Variants in TMEM160 observed in about 807,000 individuals in gnomAD.
TMEM160 encodes transmembrane protein 160.
In TMEM160, 10 loss-of-function variants were observed where a neutral mutation model predicts 13.9. The observed-to-expected ratio is 0.72, with a 90% CI of 0.45 to 1.22. TMEM160 has a LOEUF of 1.22. Among genes scored for constraint, TMEM160 ranks in the 50% most tolerant of loss-of-function variants. The pLI is 0.00. For missense variants in TMEM160, 287 were observed against 283.2 expected, an observed-to-expected ratio of 1.01 and a Z score of -0.10; for synonymous variants, 159 against 134.8, an observed-to-expected ratio of 1.18 and a Z score of -1.25.
At position 47,046,273 on chromosome 19, in the gene TMEM160, C is replaced by A. The variant is rs773026249; in HGVS notation, c.302-21G>T. ...GAAGCCTGCGGGAGAGGCAGGGTAGCAACAGGGCCAAGGTCGGGGGATGGT... is the reference window on the plus strand; with the variant it reads ...GAAGCCTGCGGGAGAGGCAGGGTAGAAACAGGGCCAAGGTCGGGGGATGGT... On this transcript the variant is annotated intron_variant, in intron 2 of 2. Transcript: ENST00000253047. The A allele has an allele frequency of 2.9e-5, 44 of 1,527,710 alleles. No homozygotes were observed. The African/African-American group carries it at 4.3e-4, about 15-fold the overall frequency. 94.6% of individuals were successfully genotyped at this position (1,527,710 alleles called of 1,614,324 possible).
rs780847015 is a variant in TMEM160, at chr19:47,046,580, G to C, written c.301+13C>G. The C allele has an allele frequency of 5.6e-6, 9 of 1,604,842 alleles. No individual in the cohort carries two copies. Among genetic ancestry groups the C allele is most frequent in the Non-Finnish European group, 7.7e-6 (9 of 1,172,486 alleles). On this transcript the variant is annotated intron_variant, in intron 2 of 2. Transcript: ENST00000253047. Reference sequence around the variant, plus strand: ...CCTGGTTCCGTGGGGCGAGAGGGGGGGTCTGCACTCACCATATGCTGCTTC... The same window carrying C: ...CCTGGTTCCGTGGGGCGAGAGGGGGCGTCTGCACTCACCATATGCTGCTTC...
rs2057082417 is a variant in TMEM160, at chr19:47,046,705, G to C, written c.209-20C>G. 6.3e-7 allele frequency: 1 copy of C among 1,578,852 alleles called. No homozygotes were observed. The highest frequency in any genetic ancestry group is 8.7e-7 in the Non-Finnish European group (1 of 1,150,050). ...GGAAGGCTGGAGGGAGGGGGACATGGGGGGATTAACATCACCCCCAACCCT... is the reference window on the plus strand; with the variant it reads ...GGAAGGCTGGAGGGAGGGGGACATGCGGGGATTAACATCACCCCCAACCCT... On this transcript the variant is annotated intron_variant, in intron 1 of 2. Coordinates refer to ENST00000253047, the MANE Select transcript of TMEM160 (RefSeq NM_017854.2).
chr19:47,047,742 A>T lies in TMEM160; in HGVS notation c.208+665T>A, dbSNP rs994062925. ...ATGCCTGTAGCTCCAGCTAAGCAGGAGGCTGAGGCAAGAGGATAGCTTGAG... is the reference window on the plus strand; with the variant it reads ...ATGCCTGTAGCTCCAGCTAAGCAGGTGGCTGAGGCAAGAGGATAGCTTGAG... On this transcript the variant is annotated intron_variant, in intron 1 of 2. Transcript: ENST00000253047. 7.5e-5 allele frequency: 40 copies of T among 532,712 alleles called. No individual in the cohort carries two copies. The Admixed American group carries it at 2.3e-3, about 30-fold the overall frequency. The allele number at this position is 532,712 out of a possible 1,614,324, so 33.0% of individuals were successfully genotyped here. A position where few individuals can be genotyped will look rare whatever the true frequency, so the allele number is the denominator to read the frequency against.
intron 1 of TMEM160, chr19:47,047,290 G>A: frequency 1.0e-6 from 1 of 985,466 alleles, no homozygotes; most frequent in Non-Finnish European, 1.2e-6. Flanking sequence ...CTCCATCTGA[G>A]GAGTCATCTT....
intron 1 of TMEM160, 90 bp downstream of exon 1, chr19:47,048,317 G>T: frequency 1.7e-6 from 2 of 1,191,798 alleles, no homozygotes; most frequent in Non-Finnish European, 2.3e-6. Flanking sequence ...CCCGGGCCCC[G>T]TTTCCTGCAG....
chr19:47,047,563 G>T (rs913628697), intron 1 of TMEM160: 1 of 979,962 alleles, frequency 1.0e-6, no homozygotes, highest in Non-Finnish European at 1.2e-6. Context: ...CTAGATGCCC[G>T]GTCCTGGCCT....
chr19:47,046,727 C>A (rs546111643), intron 1 of TMEM160, 42 bp from the exon 2 acceptor site: 1 of 1,405,632 alleles, frequency 7.1e-7, no homozygotes, highest in Admixed American at 1.7e-5. Context: ...TCACCCCCAA[C>A]CCTACCTCCT....
rs1012048998 is a variant in TMEM160, at chr19:47,047,358, G to C, written c.209-673C>G. 6 of 984,690 alleles carry C rather than the reference G, an allele frequency of 6.1e-6. No homozygotes were observed. The African/African-American group carries it at 8.8e-5, about 14-fold the overall frequency. The allele number at this position is 984,690 out of a possible 1,614,324, so 61.0% of individuals were successfully genotyped here. ...GGCCTGCCCACTCACTTCTTTCTCA[G>C]AACTCTGGGACAAACTGTTTCCTAA... On this transcript the variant is annotated intron_variant, in intron 1 of 2. Transcript: ENST00000253047.
At chr19:47,047,709 G>T in intron 1 of TMEM160, 1 of 569,920 alleles carries the variant, frequency 1.8e-6, no homozygotes, top group Non-Finnish European at 2.2e-6. Flanking sequence ...AGTTGGGTGC[G>T]GTGGTGTATG....
intron 1 of TMEM160, 64 bp downstream of exon 1, chr19:47,048,343 C>A: frequency 7.5e-7 from 1 of 1,341,466 alleles, no homozygotes; most frequent in South Asian, 1.4e-5. Context: ...CCCGCCCCAT[C>A]AAGGTCCCAC....
At chr19:47,048,332 C>T (rs2057091882) in intron 1 of TMEM160, 75 bp downstream of exon 1, 8 of 1,282,134 alleles carry the variant, frequency 6.2e-6, no homozygotes, top group Middle Eastern at 2.7e-4. Context: ...CTGCAGAAGC[C>T]CCCGCCCCAT....
In TMEM160 at chr19:47,048,602, A is replaced by G; in HGVS notation, c.13T>C (p.Trp5Arg). ...AGGCGAGCGGCCCGAGCCCACCACC[A>G]GCCGCCTCCCATGATTCGCACTACG... MGGGWWWARAARLAR... is the reference protein window; with the variant it reads MGGGRWWARAARLAR... The change falls in exon 1 of 3, where the codon TGG (tryptophan) becomes CGG (arginine). Residue 5 changes from tryptophan to arginine, a missense_variant. Trp to Arg is a moderately radical substitution (Grantham distance 101). Coordinates refer to ENST00000253047, the MANE Select transcript of TMEM160 (RefSeq NM_017854.2). 6.5e-7 allele frequency: 1 copy of G among 1,534,340 alleles called. No homozygotes were observed. The highest frequency in any genetic ancestry group is 8.7e-7 in the Non-Finnish European group (1 of 1,150,204).
chr19:47,047,385 C>A (rs573389725), intron 1 of TMEM160: 1 of 979,134 alleles, frequency 1.0e-6, no homozygotes, highest in South Asian at 4.7e-5. Flanking sequence ...GTTTCCTAAT[C>A]CAGGCCGCTC....
intron 2 of TMEM160, 147 bp downstream of exon 2, chr19:47,046,446 G>T: frequency 1.1e-6 from 1 of 923,758 alleles, no homozygotes; most frequent in South Asian, 1.5e-5. Flanking sequence ...GCCTATGGGA[G>T]GGGTGTCTTC....
Position 47,048,453 on chromosome 19 carries a change from C to T in TMEM160, c.162G>A (p.Glu54=), listed in dbSNP as rs968944226. 105 of 1,416,220 alleles carry T rather than the reference C, an allele frequency of 7.4e-5. No homozygotes were observed. Among genetic ancestry groups the T allele is most frequent in the Non-Finnish European group, 9.2e-5 (101 of 1,097,704 alleles). 87.7% of individuals were successfully genotyped at this position (1,416,220 alleles called of 1,614,324 possible). The part of the protein sequence containing the change: ...RAGASPPPVS[E]LDRADAWLLR... ...GGAGCCAGGCGTCCGCACGATCCAG[C>T]TCGGACACTGGGGGCGGCGAAGCCC... is the stretch of plus-strand genomic sequence containing the variant. Residue 54 remains glutamate (E), a synonymous_variant, in exon 1 of 3, where the codon GAG becomes GAA. Transcript: ENST00000253047.
In TMEM160 at chr19:47,046,727, C is replaced by T. The variant is rs546111643; in HGVS notation, c.209-42G>A. The T allele has an allele frequency of 5.0e-6, 7 of 1,405,632 alleles. No homozygotes were observed. The East Asian group carries it at 1.4e-4, about 27-fold the overall frequency. 87.1% of individuals were successfully genotyped at this position (1,405,632 alleles called of 1,614,324 possible). A position where few individuals can be genotyped will look rare whatever the true frequency, so the allele number is the denominator to read the frequency against. On this transcript the variant is annotated intron_variant, in intron 1 of 2. Transcript: ENST00000253047. ...ATGGGGGGATTAACATCACCCCCAA[C>T]CCTACCTCCTCAATCCCCCTTACCC...
chr19:47,047,300 T>C (rs2057085691), intron 1 of TMEM160: 1 of 985,358 alleles, frequency 1.0e-6, no homozygotes, highest in African/African-American at 1.7e-5. Flanking sequence ...GGAGTCATCT[T>C]GGCCAAACCC....
In TMEM160 at chr19:47,048,425, G is replaced by C. The variant is rs1415081921; in HGVS notation, c.190C>G (p.Arg64Gly). The C allele has an allele frequency of 1.4e-6, 2 of 1,466,934 alleles. No individual in the cohort carries two copies. The highest frequency in any genetic ancestry group is 1.3e-5 in the South Asian group (1 of 76,250). The allele number at this position is 1,466,934 out of a possible 1,614,324, so 90.9% of individuals were successfully genotyped here. ...ELDRADAWLL[R>G]KAHETAFLSW... is the part of the protein sequence containing the mutation. ...CACCGACCTGTCTCGTGCGCTTTTC[G>C]GAGGAGCCAGGCGTCCGCACGATCC... Residue 64 changes from arginine (R) to glycine (G), a missense_variant, in exon 1 of 3, where the codon CGA (arginine) becomes GGA (glycine). Transcript: ENST00000253047.
In TMEM160 at chr19:47,045,917, G is replaced by C; in HGVS notation, c.*70C>G. 2.1e-6 allele frequency: 3 copies of C among 1,424,182 alleles called. No individual in the cohort carries two copies. Among genetic ancestry groups the C allele is most frequent in the Non-Finnish European group, 2.8e-6 (3 of 1,085,094 alleles). 88.2% of individuals were successfully genotyped at this position (1,424,182 alleles called of 1,614,324 possible). On this transcript the variant is annotated 3_prime_UTR_variant, in exon 3 of 3. Transcript: ENST00000253047. The stretch of plus-strand genomic sequence containing the variant: ...AACCAATACTCTGCATCTGGAGGAG[G>C]GGAGGTCAGGTTTAATGTCCCAGTC...
Sources: gnomAD v4.1 joint callset for allele counts on GRCh38, gnomAD v4.1.1 for gene constraint, MANE v1.5 for transcripts, NCBI Gene and HGNC (gene_info 2026-07-23, HGNC 2026-07-21) for gene names.